Variants in COL28A1 observed in about 807,000 individuals in gnomAD.
COL28A1 encodes the protein collagen type XXVIII alpha 1 chain.
A neutral mutation model predicts 150.2 loss-of-function variants in COL28A1; 161 were observed. The ratio of observed to expected loss-of-function variants is 1.07; its 90% CI spans 0.94 to 1.22. The LOEUF (loss-of-function observed/expected upper bound fraction) is 1.22. Among genes scored for constraint, COL28A1 ranks in the 50% most tolerant of loss-of-function variants. The probability of loss-of-function intolerance (pLI) is 0.00; values close to 1 mark genes in which losing one functional copy is unlikely to be tolerated. For missense variants in COL28A1, 1,617 were observed against 1,388.3 expected, an observed-to-expected ratio of 1.16 and a Z score of -2.62; for synonymous variants, 552 against 469.7, an observed-to-expected ratio of 1.18 and a Z score of -2.26.
chr7:7,343,807 A>G, the COL28A1 span, among the ~76,000 whole-genome samples: 280 of 152,142 alleles, frequency 1.8e-3, no homozygotes, highest in Middle Eastern at 6.8e-3. Context: ...CAGGAGTTTG[A>G]GACTAGCCTG....
At chr7:7,392,077 G>C (rs1782578477) in intron 27 of COL28A1, among the ~76,000 whole-genome samples, 1 of 152,148 alleles carries the variant, frequency 6.6e-6, no homozygotes, top group Non-Finnish European at 1.5e-5. Context: ...AGTGTCAATG[G>C]TCTTTAGAAT....
intron 31 of COL28A1, among the ~76,000 whole-genome samples, 167 bp downstream of exon 31, chr7:7,375,294 C>G (rs999303943): frequency 4.0e-5 from 6 of 151,642 alleles, no homozygotes; most frequent in African/African-American, 1.4e-4. Flanking sequence ...AGGATTCCCA[C>G]AGTCTCTCTT....
At chr7:7,386,392 C>T (rs1292190105) in intron 27 of COL28A1, among the ~76,000 whole-genome samples, 2 of 152,042 alleles carry the variant, frequency 1.3e-5, no homozygotes, top group Non-Finnish European at 1.5e-5. Flanking sequence ...TTCTTAAAGC[C>T]CCAACAACAA....
At chr7:7,372,940 A>G in intron 32 of COL28A1, 58 bp downstream of exon 32, 1 of 1,443,802 alleles carries the variant, frequency 6.9e-7, no homozygotes, top group South Asian at 1.3e-5. Context: ...AACCAGTGAT[A>G]TGGTACTTAG....
intron 15 of COL28A1, among the ~76,000 whole-genome samples, chr7:7,466,338 T>TGGAA (rs992670197): frequency 6.8e-6 from 1 of 146,020 alleles, no homozygotes; most frequent in African/African-American, 2.5e-5. Context: ...TGTGATCAAC[T>TGGAA]GGAAGAAAGG....
chr7:7,460,584 G>A lies in COL28A1; in HGVS notation c.1303-4472C>T, dbSNP rs373693090. ...TTGTTAGTAGAGACAAGGTTTCACC[G>A]TGTTAGCCAGGATGGTCTCGATCTC... is the stretch of plus-strand genomic sequence containing the variant. On this transcript the variant is annotated intron_variant, in intron 15 of 34. Coordinates refer to ENST00000399429, the MANE Select transcript of COL28A1 (RefSeq NM_001037763.3). Among the ~76,000 whole-genome samples the A allele has an allele frequency of 4.7e-3, 716 of 152,192 alleles. 5 individuals are homozygous for A. The highest frequency in any genetic ancestry group is 0.022 in the East Asian group (116 of 5,170).
chr7:7,435,770 C>G (rs993339793), intron 23 of COL28A1, among the ~76,000 whole-genome samples: 1 of 152,120 alleles, frequency 6.6e-6, no homozygotes, highest in Admixed American at 6.6e-5. Flanking sequence ...TTCAAAGCTA[C>G]GTAACAACAT....
chr7:7,424,558 G>A (rs553140369), intron 25 of COL28A1, among the ~76,000 whole-genome samples: 6 of 152,084 alleles, frequency 3.9e-5, no homozygotes, highest in East Asian at 1.9e-4. Flanking sequence ...AGCTTCCCAC[G>A]CAACAGCTGA....
rs75929885 is a variant in COL28A1, at chr7:7,505,145, A to C, written c.1026+869T>G. Among the ~76,000 whole-genome samples, 336 of 152,292 alleles carry C rather than the reference A, an allele frequency of 2.2e-3. 1 individual carries two copies. Among genetic ancestry groups the C allele is most frequent in the African/African-American group, 7.6e-3 (315 of 41,562 alleles). ...AATCACACACTGTCATTATCTCATT[A>C]AAAATATTATACTGTCACTCTCTTT... On this transcript the variant is annotated intron_variant, in intron 11 of 34. Coordinates refer to ENST00000399429, the MANE Select transcript of COL28A1 (RefSeq NM_001037763.3).
At position 7,531,433 on chromosome 7, in the gene COL28A1, A is replaced by G. The variant is rs1487881599; in HGVS notation, c.596T>C (p.Leu199Pro). 1 of 1,599,008 alleles carries G rather than the reference A, an allele frequency of 6.3e-7. No homozygotes were observed. The highest frequency in any genetic ancestry group is 1.7e-5 in the Admixed American group (1 of 59,784). The stretch of plus-strand genomic sequence containing the variant: ...GGATGAATCCCCAGAAATCAAACGA[A>G]GTTTGGCTTCATTGACTACCGTAGA... ...ALSTVVNEAK[L>P]RLISGDSSSE... Residue 199 changes from leucine to proline, a missense_variant, in exon 3 of 35, where the codon CTT becomes CCT. By Grantham distance (98) the Leu-to-Pro change is moderately conservative (BLOSUM62 -3). Transcript: ENST00000399429.
chr7:7,511,725 G>C (rs1200464757), intron 8 of COL28A1: 1 of 470,638 alleles, frequency 2.1e-6, no homozygotes, highest in Non-Finnish European at 4.4e-6. Context: ...TCGTGAGTTA[G>C]TGGGAACAGG....
chr7:7,457,942 G>C (rs1315922109), intron 15 of COL28A1, among the ~76,000 whole-genome samples: 1 of 152,200 alleles, frequency 6.6e-6, no homozygotes, highest in African/African-American at 2.4e-5. Context: ...CTTTGGGCTT[G>C]AGGGTCATAA....
intron 27 of COL28A1, among the ~76,000 whole-genome samples, chr7:7,382,895 C>T (rs556604260): frequency 5.3e-5 from 8 of 152,256 alleles, no homozygotes; most frequent in African/African-American, 1.9e-4. Flanking sequence ...ATTTACGAGG[C>T]ACTCCTGGAA....
intron 3 of COL28A1, among the ~76,000 whole-genome samples, chr7:7,525,751 G>T (rs900623352): frequency 3.3e-5 from 5 of 152,144 alleles, no homozygotes; most frequent in African/African-American, 1.2e-4. Context: ...AAAAAATTAG[G>T]CTGGGAATTA....
the COL28A1 span, among the ~76,000 whole-genome samples, chr7:7,351,011 C>T: frequency 6.6e-6 from 1 of 152,066 alleles, no homozygotes; most frequent in East Asian, 1.9e-4. Flanking sequence ...TCTCAATTTA[C>T]TTATTGATTT....
rs117696831 is a variant in COL28A1, at chr7:7,486,972, G to A, written c.1164+2417C>T. ...GGCCTCATAAATTAAGTTGATAAAC[G>A]TTTCTTCCTCTTCTATTGTCTGAAA... On this transcript the variant is annotated intron_variant, in intron 13 of 34. Coordinates refer to ENST00000399429, the MANE Select transcript of COL28A1 (RefSeq NM_001037763.3). 2.7e-4 allele frequency among the ~76,000 whole-genome samples: 41 copies of A among 152,094 alleles called. 1 individual carries two copies. The East Asian group carries it at 6.2e-3, about 23-fold the overall frequency.
chr7:7,363,753 T>C (rs953549219), intron 33 of COL28A1, among the ~76,000 whole-genome samples: 4 of 152,122 alleles, frequency 2.6e-5, no homozygotes, highest in Non-Finnish European at 5.9e-5. Context: ...AAAAATATAC[T>C]ATATTATGAT....
At chr7:7,477,388 G>T (rs1788985759) in intron 13 of COL28A1, among the ~76,000 whole-genome samples, 2 of 152,114 alleles carry the variant, frequency 1.3e-5, no homozygotes, top group Non-Finnish European at 2.9e-5. Flanking sequence ...TATTTACACA[G>T]CATTTACATT....
At chr7:7,512,082 G>T (rs1172855807) in intron 8 of COL28A1, among the ~76,000 whole-genome samples, 1 of 152,174 alleles carries the variant, frequency 6.6e-6, no homozygotes, top group Non-Finnish European at 1.5e-5. Flanking sequence ...CCTGAACCTG[G>T]AAGACATTAT....
Sources: gnomAD v4.1 joint callset for allele counts (sites outside exome capture counted in the v4.1 genomes callset) on GRCh38, gnomAD v4.1.1 for gene constraint, MANE v1.5 for transcripts, NCBI Gene and HGNC (gene_info 2026-07-23, HGNC 2026-07-21) for gene names.